Variants in ERCC5 observed in about 807,000 individuals in gnomAD.
ERCC5 encodes ERCC excision repair 5, endonuclease, also known as DNA excision repair protein ERCC-5.
A neutral mutation model predicts 105.6 loss-of-function variants in ERCC5; 68 were observed. The observed-to-expected ratio is 0.64, with a 90% CI of 0.53 to 0.79. The LOEUF is 0.79. ERCC5 is among the 30% of genes least tolerant of loss of function. The pLI, the probability that ERCC5 is intolerant of heterozygous loss-of-function variation, is 0.00. For missense variants in ERCC5, 1,373 were observed against 1,426.7 expected (o/e 0.96, Z 0.61); for synonymous variants, 546 against 526.2 (o/e 1.04, Z -0.51).
chr13:102,858,309 T>C lies in ERCC5; in HGVS notation c.563T>C (p.Ile188Thr), dbSNP rs755747434. 16 of 1,614,058 alleles carry C rather than the reference T, an allele frequency of 9.9e-6. No homozygotes were observed. The highest frequency in any genetic ancestry group is 1.3e-5 in the African/African-American group (1 of 74,934). The change falls in exon 6 of 15, where the codon ATT becomes ACT. Residue 188 changes from isoleucine to threonine, a missense_variant. By Grantham distance (89) the Ile-to-Thr change is moderately conservative. Transcript: ENST00000652225. ...EFFHNPQAID[I>T]ESEDFSSLPP... ...TTTCATAATCCTCAAGCGATAGATA[T>C]TGAGTCTGAGGACTTCAGCAGCCTG...
intron 7 of ERCC5, 134 bp downstream of exon 7, chr13:102,861,848 T>C (rs1379028876): frequency 1.5e-6 from 2 of 1,338,436 alleles, no homozygotes; most frequent in Non-Finnish European, 2.1e-6. Context: ...CTGCTATTAA[T>C]GGATTAACTA....
At chr13:102,854,484 A>G (rs1447700124) in intron 4 of ERCC5, 110 bp downstream of exon 4, 5 of 1,073,740 alleles carry the variant, frequency 4.7e-6, no homozygotes, top group East Asian at 5.1e-5. Flanking sequence ...TTCTTAATGC[A>G]TCTGAAATAG....
Position 102,846,311 on chromosome 13 carries a change from G to T in ERCC5, c.45G>T (p.Arg15=), listed in dbSNP as rs1194951148. ...GGAAGCTGCTGGAGTGCTCCGGGCGGCAGGTCAGCCCCGAAGCGCTGGAAG... is the reference window on the plus strand; with the variant it reads ...GGAAGCTGCTGGAGTGCTCCGGGCGTCAGGTCAGCCCCGAAGCGCTGGAAG... The part of the protein sequence containing the change: ...GLWKLLECSG[R]QVSPEALEGK... The change falls in exon 1 of 15, where the codon CGG becomes CGT. Residue 15 remains arginine, a synonymous_variant. Coordinates refer to ENST00000652225, the MANE Select transcript of ERCC5 (RefSeq NM_000123.4). The T allele has an allele frequency of 6.2e-7, 1 of 1,614,072 alleles. No homozygotes were observed. The highest frequency in any genetic ancestry group is 8.5e-7 in the Non-Finnish European group (1 of 1,179,990).
At chr13:102,863,854 C>T (rs1223691385) in intron 8 of ERCC5, among the ~76,000 whole-genome samples, 1 of 152,090 alleles carries the variant, frequency 6.6e-6, no homozygotes, top group Non-Finnish European at 1.5e-5. Flanking sequence ...GATTTGAATC[C>T]CTATTCTGGC....
At chr13:102,859,084 C>T in intron 6 of ERCC5, 1 of 345,488 alleles carries the variant, frequency 2.9e-6, no homozygotes, top group Non-Finnish European at 5.9e-6. Flanking sequence ...AAATGTGTCT[C>T]CTGATCATGC....
In ERCC5 at chr13:102,862,004, T is replaced by G; in HGVS notation, c.881-26T>G. 1.2e-6 allele frequency: 2 copies of G among 1,613,188 alleles called. No individual in the cohort carries two copies. The highest frequency in any genetic ancestry group is 1.7e-6 in the Non-Finnish European group (2 of 1,179,278). ...ATTGTCACACTGTAAAACTGAATGGTGAGAAGTGTTTTAATTCTTCTTAAG... is the reference window on the plus strand; with the variant it reads ...ATTGTCACACTGTAAAACTGAATGGGGAGAAGTGTTTTAATTCTTCTTAAG... On this transcript the variant is annotated intron_variant, in intron 7 of 14. Coordinates refer to ENST00000652225, the MANE Select transcript of ERCC5 (RefSeq NM_000123.4).
At chr13:102,855,523 T>C (rs1165132489) in intron 4 of ERCC5, among the ~76,000 whole-genome samples, 1 of 152,230 alleles carries the variant, frequency 6.6e-6, no homozygotes, top group Non-Finnish European at 1.5e-5. Context: ...AGTGCTGGGA[T>C]TGCAGGCGTG....
intron 7 of ERCC5, 119 bp from the exon 8 acceptor site, chr13:102,861,911 G>A: frequency 4.8e-6 from 7 of 1,451,152 alleles, no homozygotes; most frequent in East Asian, 2.3e-5. Flanking sequence ...CCTAGTTGCC[G>A]ATTAAATGAA....
intron 2 of ERCC5, among the ~76,000 whole-genome samples, 166 bp downstream of exon 2, chr13:102,852,459 C>T (rs1005926600): frequency 1.3e-5 from 2 of 152,122 alleles, no homozygotes; most frequent in African/African-American, 4.8e-5. Flanking sequence ...ATTAATTTTT[C>T]TTTTAAAAAG....
rs540549993 is a variant in ERCC5, at chr13:102,874,364, A to G, written c.2965-943A>G. 1.6e-4 allele frequency among the ~76,000 whole-genome samples: 24 copies of G among 152,292 alleles called. No homozygotes were observed. The East Asian group carries it at 3.5e-3, about 22-fold the overall frequency. ...TAATCCTCCCCCCCAACTTATTAGC[A>G]TATTTTCTTCTATGTATTGTGTGGT... On this transcript the variant is annotated intron_variant, in intron 14 of 14. Coordinates refer to ENST00000652225, the MANE Select transcript of ERCC5 (RefSeq NM_000123.4).
At chr13:102,854,220 G>A in intron 3 of ERCC5, 68 bp from the exon 4 acceptor site, 3 of 1,539,116 alleles carry the variant, frequency 1.9e-6, no homozygotes, top group South Asian at 1.1e-5. Context: ...GAGCAGCCAG[G>A]TCAGGTCCCT....
intron 10 of ERCC5, 92 bp from the exon 11 acceptor site, chr13:102,866,540 G>A: frequency 6.3e-7 from 1 of 1,598,580 alleles, no homozygotes; most frequent in Non-Finnish European, 8.5e-7. Flanking sequence ...AGGAATGAAT[G>A]CATTACATGA....
At chr13:102,860,305 T>C (rs550622069) in intron 6 of ERCC5, among the ~76,000 whole-genome samples, 12 of 152,352 alleles carry the variant, frequency 7.9e-5, no homozygotes, top group African/African-American at 2.6e-4. Context: ...TAAAAATGAC[T>C]TTTCTATCTG....
At chr13:102,851,214 A>G (rs1411626668) in intron 1 of ERCC5, among the ~76,000 whole-genome samples, 2 of 152,190 alleles carry the variant, frequency 1.3e-5, no homozygotes, top group African/African-American at 4.8e-5. Context: ...ATAATATTTA[A>G]TGACTATCTT....
At chr13:102,852,957 CA>C (rs1882261315) in intron 2 of ERCC5, among the ~76,000 whole-genome samples, 1 of 152,122 alleles carries the variant, frequency 6.6e-6, no homozygotes. Flanking sequence ...GTCCAAATGA[CA>C]GCACCCATTT....
At chr13:102,873,132 A>C in intron 13 of ERCC5, 127 bp from the exon 14 acceptor site, 1 of 1,103,280 alleles carries the variant, frequency 9.1e-7, no homozygotes, top group Admixed American at 2.0e-5. Flanking sequence ...TTAGCACTCT[A>C]ATCTTTATAA....
Position 102,861,611 on chromosome 13 carries a change from A to G in ERCC5, c.777A>G (p.Ser259=), listed in dbSNP as rs751415169. The G allele has an allele frequency of 4.3e-6, 7 of 1,614,076 alleles. No individual in the cohort carries two copies. The highest frequency in any genetic ancestry group is 1.3e-5 in the African/African-American group (1 of 74,938). ...AAAAGGAAATGAATCAGCAACATTC[A>G]GGACACATCCGAAGGCAGTATGAAG... ...HVQKEMNQQH[S]GHIRRQYEDE... The change falls in exon 7 of 15, where the codon TCA becomes TCG. Residue 259 remains serine (S), a synonymous_variant. Transcript: ENST00000652225.
intron 12 of ERCC5, among the ~76,000 whole-genome samples, chr13:102,869,567 C>T (rs933072010): frequency 5.9e-5 from 9 of 151,922 alleles, no homozygotes; most frequent in Admixed American, 3.3e-4. Context: ...ACCTGTAACC[C>T]ATTTGGTATT....
At chr13:102,861,486 G>T in intron 6 of ERCC5, 21 bp from the exon 7 acceptor site, 1 of 1,612,586 alleles carries the variant, frequency 6.2e-7, no homozygotes, top group Non-Finnish European at 8.5e-7. Context: ...CAGTAATTTT[G>T]TTTGTTTATT....
Sources: gnomAD v4.1 joint callset for allele counts (sites outside exome capture counted in the v4.1 genomes callset) on GRCh38, gnomAD v4.1.1 for gene constraint, MANE v1.5 for transcripts, NCBI Gene and HGNC (gene_info 2026-07-23, HGNC 2026-07-21) for gene names.